Variants in SRPK3 observed in about 807,000 individuals in gnomAD.
SRPK3 encodes the protein SRSF protein kinase 3.
A neutral mutation model predicts 45.3 loss-of-function variants in SRPK3; 26 were observed. That is an observed-to-expected ratio of 0.57 (90% CI 0.42 to 0.80). The LOEUF (loss-of-function observed/expected upper bound fraction) is 0.80, where lower values mean the gene tolerates loss of function less well. SRPK3 is among the 30% of genes least tolerant of loss of function. SRPK3 has a pLI of 0.00. For synonymous variants in SRPK3, 254 were observed against 226.6 expected, an observed-to-expected ratio of 1.12 and a Z score of -1.09; for missense variants, 536 against 514.5, an observed-to-expected ratio of 1.04 and a Z score of -0.40.
Position 153,782,369 on chromosome X carries a change from C to T in SRPK3, c.475+161C>T, listed in dbSNP as rs781926503. ...CCCCGCCCCCAGGTAACTGTGTTTA[C>T]GTGGAGGCAGTAACAAGCTAGCGTT... On this transcript the variant is annotated intron_variant, in intron 5 of 14. Coordinates refer to ENST00000370101, the MANE Select transcript of SRPK3 (RefSeq NM_014370.4). Among the ~76,000 whole-genome samples, 9 of 112,910 alleles carry T rather than the reference C, an allele frequency of 8.0e-5. No homozygotes were observed. The East Asian group carries it at 1.4e-3, about 18-fold the overall frequency.
Position 153,784,089 on chromosome X carries a change from C to T in SRPK3, c.1023C>T (p.Gly341=). 1 of 1,211,021 alleles carries T rather than the reference C, an allele frequency of 8.3e-7. No individual in the cohort carries two copies. The highest frequency in any genetic ancestry group is 1.1e-6 in the Non-Finnish European group (1 of 895,515). The change falls in exon 10 of 15, where the codon GGC becomes GGT. Residue 341 remains glycine, a synonymous_variant. Coordinates refer to ENST00000370101, the MANE Select transcript of SRPK3 (RefSeq NM_014370.4). ...PASSSPAPGG[G]RSLSAGSQTS... ...CTTCCTCCCCCGCCCCAGGGGGCGG[C>T]CGTAGCCTCAGCGCGGGCTCACAGA...
chrX:153,784,005 C>T lies in SRPK3; in HGVS notation c.939C>T (p.Gly313=), dbSNP rs1214517450. The T allele has an allele frequency of 2.5e-6, 3 of 1,201,625 alleles. No homozygotes were observed. Among genetic ancestry groups the T allele is most frequent in the East Asian group, 3.0e-5 (1 of 33,628 alleles). ...GCTTGAGACTAGACGGGGGCAGCGG[C>T]TCCACATCCTCTTCAGGCTGTCACC... ...DSGLRLDGGS[G]STSSSGCHPG... The change falls in exon 10 of 15, where the codon GGC becomes GGT. Residue 313 remains glycine (G), a synonymous_variant. Coordinates refer to ENST00000370101, the MANE Select transcript of SRPK3 (RefSeq NM_014370.4).
In SRPK3 at chrX:153,785,728, G is replaced by C; in HGVS notation, c.*208G>C. ...TTCCTTTCTTAATAAAGTGTGGACT[G>C]AACATCGGTGCCTGGAGTGAGGGAG... is the stretch of plus-strand genomic sequence containing the variant. On this transcript the variant is annotated 3_prime_UTR_variant, in exon 15 of 15. Coordinates refer to ENST00000370101, the MANE Select transcript of SRPK3 (RefSeq NM_014370.4). 1.2e-6 allele frequency: 1 copy of C among 807,983 alleles called. No individual in the cohort carries two copies. The highest frequency in any genetic ancestry group is 1.8e-6 in the Non-Finnish European group (1 of 555,465). 66.6% of individuals were successfully genotyped at this position (807,983 alleles called of 1,213,427 possible).
chrX:153,783,519 G>A (rs2092065042), intron 8 of SRPK3, among the ~76,000 whole-genome samples: 1 of 112,979 alleles, frequency 8.9e-6, no homozygotes, highest in Admixed American at 9.3e-5. Flanking sequence ...CCCTGAGGCG[G>A]GCCGGCCAGG....
chrX:153,781,325 G>A lies in SRPK3; in HGVS notation c.169G>A (p.Asp57Asn). The change falls in exon 2 of 15, where the codon GAC (aspartate) becomes AAC (asparagine). Residue 57 changes from aspartate (D) to asparagine (N), a missense_variant. Physicochemically the swap from Asp to Asn is conservative, Grantham distance 23. Coordinates refer to ENST00000370101, the MANE Select transcript of SRPK3 (RefSeq NM_014370.4). ...GGGCTCCGACGACGAGGAACAGGAA[G>A]ACCCCAAAGACTACTGCAAGGGTGA... ...LLGSDDEEQE[D>N]PKDYCKGGYH... is the part of the protein sequence containing the mutation. 8.3e-7 allele frequency: 1 copy of A among 1,199,174 alleles called. No homozygotes were observed. Among genetic ancestry groups the A allele is most frequent in the African/African-American group, 1.7e-5 (1 of 57,669 alleles).
chrX:153,781,535 T>C lies in SRPK3; in HGVS notation c.221T>C (p.Val74Ala), dbSNP rs782669136. ...TACCACCCTGTGAAGATCGGCGACG[T>C]GTTCAATGGGCGGTACCACGTGGTG... ...GGYHPVKIGD[V>A]FNGRYHVVRK... The change falls in exon 3 of 15, where the codon GTG (valine) becomes GCG (alanine). Residue 74 changes from valine (V) to alanine (A), a missense_variant. Val to Ala is a moderately conservative substitution (Grantham distance 64). Coordinates refer to ENST00000370101, the MANE Select transcript of SRPK3 (RefSeq NM_014370.4). 1 of 1,210,270 alleles carries C rather than the reference T, an allele frequency of 8.3e-7. No homozygotes were observed. Among genetic ancestry groups the C allele is most frequent in the Non-Finnish European group, 1.1e-6 (1 of 895,053 alleles).
In SRPK3 at chrX:153,784,076, C is replaced by G; in HGVS notation, c.1010C>G (p.Ala337Gly). 1 of 1,210,486 alleles carries G rather than the reference C, an allele frequency of 8.3e-7. No individual in the cohort carries two copies. The highest frequency in any genetic ancestry group is 1.1e-6 in the Non-Finnish European group (1 of 895,191). Residue 337 changes from alanine (A) to glycine (G), a missense_variant, in exon 10 of 15, where the codon GCC becomes GGC. Transcript: ENST00000370101. ...AGPSPASSSPAPGGGRSLSAG... is the reference protein window; with the variant it reads ...AGPSPASSSPGPGGGRSLSAG... Reference sequence around the variant, plus strand: ...CCCTCCCCAGCCTCTTCCTCCCCCGCCCCAGGGGGCGGCCGTAGCCTCAGC... The same window carrying G: ...CCCTCCCCAGCCTCTTCCTCCCCCGGCCCAGGGGGCGGCCGTAGCCTCAGC...
intron 4 of SRPK3, 38 bp from the exon 5 acceptor site, chrX:153,782,083 G>C: frequency 3.5e-6 from 4 of 1,151,041 alleles, no homozygotes; most frequent in Non-Finnish European, 4.8e-6. Context: ...CTTCAGGGCA[G>C]GGTGGAACCA....
chrX:153,783,341 A>C (rs1557067693), intron 8 of SRPK3, 90 bp downstream of exon 8: 10 of 563,163 alleles, frequency 1.8e-5, no homozygotes, highest in Non-Finnish European at 2.5e-5. Flanking sequence ...TCCACCCCCC[A>C]CCTTCACGCA....
At chrX:153,781,172 C>T (rs369552474) in intron 1 of SRPK3, 27 bp downstream of exon 1, 4 of 1,182,400 alleles carry the variant, frequency 3.4e-6, no homozygotes, top group African/African-American at 3.5e-5. Flanking sequence ...GCACCCGGAG[C>T]CCCTGGCGTC....
chrX:153,783,710 G>C, intron 8 of SRPK3, 42 bp from the exon 9 acceptor site: 1 of 1,206,056 alleles, frequency 8.3e-7, no homozygotes, highest in Non-Finnish European at 1.1e-6. Context: ...ATGCTGACTG[G>C]GGCGGGCGAC....
chrX:153,785,233 G>C (rs1444787420), intron 14 of SRPK3, 60 bp downstream of exon 14: 2 of 1,181,766 alleles, frequency 1.7e-6, no homozygotes, highest in East Asian at 3.0e-5. Context: ...GGGGACCTTG[G>C]ATTCTGCAAC....
intron 4 of SRPK3, 111 bp from the exon 5 acceptor site, chrX:153,782,010 C>A: frequency 1.1e-6 from 1 of 890,877 alleles, no homozygotes; most frequent in Non-Finnish European, 1.6e-6. Context: ...GAGGGGTTGG[C>A]GGCCTTTCTT....
intron 8 of SRPK3, 119 bp downstream of exon 8, chrX:153,783,370 C>T (rs1329900051): frequency 1.9e-6 from 1 of 530,511 alleles, no homozygotes; most frequent in Non-Finnish European, 3.0e-6. Context: ...GTGGTAATCC[C>T]GAAAGGCTGG....
Position 153,783,030 on chromosome X carries a change from G to T in SRPK3, c.660G>T (p.Leu220=). The T allele has an allele frequency of 8.4e-7, 1 of 1,184,522 alleles. No homozygotes were observed. The highest frequency in any genetic ancestry group is 1.1e-6 in the Non-Finnish European group (1 of 881,154). Reference sequence around the variant, plus strand: ...ACATCAAGCCCGAGAACATCTTGCTGTGTGTGGGGGACGCTTACATCAGGC... The same window carrying T: ...ACATCAAGCCCGAGAACATCTTGCTTTGTGTGGGGGACGCTTACATCAGGC... ...HTDIKPENIL[L]CVGDAYIRRL... Residue 220 remains leucine (L), a synonymous_variant, in exon 7 of 15, where the codon CTG becomes CTT. Transcript: ENST00000370101.
intron 14 of SRPK3, 27 bp downstream of exon 14, chrX:153,785,200 T>C (rs782621571): frequency 1.1e-5 from 13 of 1,173,588 alleles, no homozygotes; most frequent in Non-Finnish European, 1.4e-5. Context: ...CCTCAGGCCA[T>C]GTGGCTGCAG....
chrX:153,785,505 C>G lies in SRPK3; in HGVS notation c.1689C>G (p.Pro563=). The G allele has an allele frequency of 8.3e-7, 1 of 1,207,464 alleles. No individual in the cohort carries two copies. ...RASAADCLQH[P]WLNP Reference sequence around the variant, plus strand: ...GTGCCGCTGACTGCCTCCAGCACCCCTGGCTCAACCCCTAGGCCCGGCTGT... The same window carrying G: ...GTGCCGCTGACTGCCTCCAGCACCCGTGGCTCAACCCCTAGGCCCGGCTGT... Residue 563 remains proline (P), a synonymous_variant, in exon 15 of 15, where the codon CCC becomes CCG. Coordinates refer to ENST00000370101, the MANE Select transcript of SRPK3 (RefSeq NM_014370.4).
Position 153,781,781 on chromosome X carries a change from C to T in SRPK3, c.338C>T (p.Ala113Val). The T allele has an allele frequency of 3.3e-6, 4 of 1,211,514 alleles. No individual in the cohort carries two copies. The highest frequency in any genetic ancestry group is 3.4e-6 in the Non-Finnish European group (3 of 895,479). ...RFVALKVVKS[A>V]GHYTETAVDE... Reference sequence around the variant, plus strand: ...GTGGCCCTCAAAGTGGTGAAGAGTGCGGGGCATTACACGGAGACAGCTGTG... The same window carrying T: ...GTGGCCCTCAAAGTGGTGAAGAGTGTGGGGCATTACACGGAGACAGCTGTG... Residue 113 changes from alanine (A) to valine (V), a missense_variant, in exon 4 of 15, where the codon GCG becomes GTG. By Grantham distance (64) the Ala-to-Val change is moderately conservative (BLOSUM62 0). Coordinates refer to ENST00000370101, the MANE Select transcript of SRPK3 (RefSeq NM_014370.4).
intron 7 of SRPK3, 51 bp from the exon 8 acceptor site, chrX:153,783,175 A>T: frequency 6.3e-6 from 7 of 1,116,172 alleles, no homozygotes; most frequent in Non-Finnish European, 8.5e-6. Flanking sequence ...CCCCTGCCTG[A>T]GTCTCTGTTC....
Sources: allele counts gnomAD v4.1 joint callset (sites outside exome capture counted in the v4.1 genomes callset), GRCh38; gene constraint gnomAD v4.1.1; transcripts MANE v1.5; gene names NCBI Gene and HGNC (gene_info 2026-07-23, HGNC 2026-07-21).